ENOX2: variants seen among roughly 807,000 people sequenced by gnomAD.
ENOX2 encodes APK1 antigen.
A neutral mutation model predicts 45.0 loss-of-function variants in ENOX2; 36 were observed. That is an observed-to-expected ratio of 0.80 (90% CI 0.61 to 1.06). ENOX2 has a LOEUF of 1.06. Among genes scored for constraint, ENOX2 ranks in the 50% least tolerant of loss-of-function variants. The pLI, the probability that ENOX2 is intolerant of heterozygous loss-of-function variation, is 0.00. For synonymous variants in ENOX2, 174 were observed against 152.3 expected (o/e 1.14, Z -1.05); for missense variants, 423 against 462.5 (o/e 0.91, Z 0.78).
intron 3 of ENOX2, among the ~76,000 whole-genome samples, chrX:130,721,554 C>A (rs1008010585): frequency 8.9e-6 from 1 of 111,895 alleles, no homozygotes; most frequent in African/African-American, 3.3e-5. Flanking sequence ...TGCTCCACAG[C>A]CACAGGTTAC....
At chrX:130,882,333 GAA>G (rs148363895) in intron 2 of ENOX2, among the ~76,000 whole-genome samples, 4,203 of 79,689 alleles carry the variant, frequency 0.053, 126 homozygotes, top group African/African-American at 0.12. Context: ...TGTCTATTTG[GAA>G]AAAAAAAAAA....
chrX:130,742,249 T>C (rs1273211646), intron 3 of ENOX2, among the ~76,000 whole-genome samples: 220 of 85,531 alleles, frequency 2.6e-3, no homozygotes, highest in African/African-American at 8.4e-3. Context: ...AATTTCCTTT[T>C]TTTTTTTTTT....
intron 3 of ENOX2, among the ~76,000 whole-genome samples, chrX:130,749,221 T>A (rs973005845): frequency 8.9e-6 from 1 of 112,052 alleles, no homozygotes; most frequent in African/African-American, 3.2e-5. Context: ...TTCCTCTAGA[T>A]TTTTTATTTT....
intron 3 of ENOX2, among the ~76,000 whole-genome samples, chrX:130,748,563 T>G (rs949708930): frequency 8.9e-6 from 1 of 112,413 alleles, no homozygotes; most frequent in Non-Finnish European, 1.9e-5. Context: ...GAAAATAAGT[T>G]GAAACCCTTG....
At chrX:130,634,650 G>C (rs1256338305) in intron 12 of ENOX2, among the ~76,000 whole-genome samples, 1 of 111,787 alleles carries the variant, frequency 8.9e-6, no homozygotes, top group Non-Finnish European at 1.9e-5. Context: ...TGTCACATGA[G>C]TTTTCTATGT....
At chrX:130,799,920 C>G (rs759860882) in intron 2 of ENOX2, among the ~76,000 whole-genome samples, 1 of 110,327 alleles carries the variant, frequency 9.1e-6, no homozygotes, top group African/African-American at 3.3e-5. Context: ...AAAAAAAAAG[C>G]CTTTTTAAGA....
At chrX:130,713,244 CT>C (rs372579467) in intron 3 of ENOX2, among the ~76,000 whole-genome samples, 1 of 98,585 alleles carries the variant, frequency 1.0e-5, no homozygotes, top group African/African-American at 3.7e-5. Context: ...TTTCCCTTCC[CT>C]TTTTCTGGCA....
At chrX:130,745,337 A>G (rs2039076043) in intron 3 of ENOX2, among the ~76,000 whole-genome samples, 1 of 112,056 alleles carries the variant, frequency 8.9e-6, no homozygotes. Context: ...CATTTTGAAA[A>G]TATGCTAAAG....
At chrX:130,796,595 A>T (rs1196540578) in intron 2 of ENOX2, among the ~76,000 whole-genome samples, 2 of 112,140 alleles carry the variant, frequency 1.8e-5, no homozygotes, top group Non-Finnish European at 1.9e-5. Context: ...GCATTTTCAT[A>T]ATAGGTCTCA....
intron 3 of ENOX2, among the ~76,000 whole-genome samples, chrX:130,713,077 T>C (rs140143115): frequency 0.019 from 2,090 of 112,531 alleles, 63 homozygotes; most frequent in African/African-American, 0.064. Context: ...AGGCCACAGA[T>C]ACAGTTAATG....
intron 3 of ENOX2, among the ~76,000 whole-genome samples, chrX:130,746,584 A>G (rs185359521): frequency 2.2e-4 from 24 of 111,487 alleles, no homozygotes; most frequent in Admixed American, 1.8e-3. Flanking sequence ...TTCCAACCTG[A>G]TATGTACCTA....
chrX:130,815,009 T>C (rs976261900), intron 2 of ENOX2, among the ~76,000 whole-genome samples: 6 of 109,581 alleles, frequency 5.5e-5, no homozygotes, highest in Non-Finnish European at 9.5e-5. Context: ...AAAAAAAGGT[T>C]TGAGGAATTG....
chrX:130,839,175 T>C (rs185256102), intron 2 of ENOX2, among the ~76,000 whole-genome samples: 1 of 112,082 alleles, frequency 8.9e-6, no homozygotes, highest in Non-Finnish European at 1.9e-5. Context: ...AATATTGGAG[T>C]TCAGTTTTCA....
intron 10 of ENOX2, among the ~76,000 whole-genome samples, chrX:130,641,337 A>C (rs1203066059): frequency 8.9e-6 from 1 of 112,327 alleles, no homozygotes; most frequent in African/African-American, 3.2e-5. Context: ...AGAGAAAAAA[A>C]ATCAACAACC....
At chrX:130,845,710 C>T (rs2078090695) in intron 2 of ENOX2, among the ~76,000 whole-genome samples, 1 of 112,144 alleles carries the variant, frequency 8.9e-6, no homozygotes, top group Non-Finnish European at 1.9e-5. Flanking sequence ...GGCAATCTGC[C>T]CACCTTGGCC....
chrX:130,677,463 G>A (rs1167963227), intron 6 of ENOX2, among the ~76,000 whole-genome samples: 2 of 112,369 alleles, frequency 1.8e-5, no homozygotes, highest in East Asian at 5.6e-4. Flanking sequence ...CAATGAAGAT[G>A]CTGTCATCAT....
In ENOX2 at chrX:130,803,180, C is replaced by G. The variant is rs776002174; in HGVS notation, c.-182-19490G>C. Among the ~76,000 whole-genome samples, 15 of 111,670 alleles carry G rather than the reference C, an allele frequency of 1.3e-4. No individual in the cohort carries two copies. In the East Asian group the frequency reaches 3.9e-3, roughly 29 times the overall value. On this transcript the variant is annotated intron_variant, in intron 2 of 14. Transcript: ENST00000394363. The stretch of plus-strand genomic sequence containing the variant: ...TAGAGGGTCTTCTGATTTTTATTAT[C>G]ATTTAATATTTAATTCTACAAAACA...
intron 2 of ENOX2, among the ~76,000 whole-genome samples, chrX:130,812,908 A>T (rs1396950337): frequency 8.9e-6 from 1 of 111,812 alleles, no homozygotes; most frequent in Non-Finnish European, 1.9e-5. Flanking sequence ...ATGTACTACA[A>T]AGCTATAGTA....
chrX:130,683,616 T>G (rs2037369696), intron 5 of ENOX2, among the ~76,000 whole-genome samples: 1 of 111,515 alleles, frequency 9.0e-6, no homozygotes, highest in African/African-American at 3.3e-5. Context: ...ACTCAAAATG[T>G]AACCTCTCCA....
Sources: allele counts gnomAD v4.1 joint callset (sites outside exome capture counted in the v4.1 genomes callset), GRCh38; gene constraint gnomAD v4.1.1; transcripts MANE v1.5; gene names NCBI Gene and HGNC (gene_info 2026-07-23, HGNC 2026-07-21).